Variants in ZNF385D observed in about 807,000 individuals in gnomAD.
ZNF385D encodes zinc finger protein 385D.
ZNF385D carries 15 observed loss-of-function variants against 35.8 expected under a neutral mutation model. The observed-to-expected ratio is 0.42, with a 90% CI of 0.28 to 0.64. The LOEUF is 0.64. Among genes scored for constraint, ZNF385D ranks in the 30% least tolerant of loss-of-function variants. ZNF385D has a pLI of 0.23. For synonymous variants in ZNF385D, 212 were observed against 186.8 expected (o/e 1.13, Z -1.10); for missense variants, 474 against 494.6 (o/e 0.96, Z 0.39).
At chr3:22,118,454 A>T (rs969361543) in intron 3 of ZNF385D, among the ~76,000 whole-genome samples, 1 of 152,116 alleles carries the variant, frequency 6.6e-6, no homozygotes, top group Non-Finnish European at 1.5e-5. Context: ...GAGTGAAAAC[A>T]TGGTTGCTGC....
chr3:21,889,996 C>G (rs985476588), intron 3 of ZNF385D, among the ~76,000 whole-genome samples: 1 of 152,046 alleles, frequency 6.6e-6, no homozygotes, highest in Non-Finnish European at 1.5e-5. Context: ...TATAAAGACA[C>G]TAGTCATATT....
chr3:21,876,194 G>T (rs1393214294), intron 3 of ZNF385D, among the ~76,000 whole-genome samples: 3 of 151,410 alleles, frequency 2.0e-5, no homozygotes, highest in African/African-American at 7.3e-5. Context: ...AAAACCTGAG[G>T]GATAGAAAAT....
At chr3:21,703,457 T>C (rs2067771286) in intron 1 of ZNF385D, among the ~76,000 whole-genome samples, 1 of 151,982 alleles carries the variant, frequency 6.6e-6, no homozygotes, top group Admixed American at 6.5e-5. Flanking sequence ...AAGATAACCA[T>C]TCTTCTCCTT....
intron 1 of ZNF385D, among the ~76,000 whole-genome samples, chr3:21,682,545 C>T (rs1211541908): frequency 1.3e-5 from 2 of 150,262 alleles, no homozygotes; most frequent in African/African-American, 4.9e-5. Context: ...AGAAAGGACA[C>T]ATTTTCAGGT....
intron 3 of ZNF385D, among the ~76,000 whole-genome samples, chr3:21,956,427 T>A (rs1020867573): frequency 7.2e-6 from 1 of 139,040 alleles, no homozygotes; most frequent in East Asian, 2.2e-4. Context: ...ATGATAAAGT[T>A]TGAGTGGGAG....
chr3:21,666,612 G>A (rs2066415843), intron 1 of ZNF385D, among the ~76,000 whole-genome samples: 1 of 151,062 alleles, frequency 6.6e-6, no homozygotes, highest in African/African-American at 2.5e-5. Flanking sequence ...TATAAACTTA[G>A]TTTATTGTCC....
Position 21,771,081 on chromosome 3 carries a change from G to A in ZNF385D, c.326-106053C>T, listed in dbSNP as rs143338556. On this transcript the variant is annotated intron_variant, in intron 3 of 5. Transcript: ENST00000494108. ...CAGGAAGGGGAACATCACACACTGG[G>A]GCCTGTTGTGGGGTCGGGGGAGGGG... Among the ~76,000 whole-genome samples, 171 of 148,356 alleles carry A rather than the reference G, an allele frequency of 1.2e-3. 1 individual carries two copies. Among genetic ancestry groups the A allele is most frequent in the African/African-American group, 4.0e-3 (160 of 40,000 alleles).
At chr3:21,932,969 T>A (rs1176719532) in intron 3 of ZNF385D, among the ~76,000 whole-genome samples, 1 of 152,102 alleles carries the variant, frequency 6.6e-6, no homozygotes, top group Non-Finnish European at 1.5e-5. Context: ...CTAGAGCAGG[T>A]GTATGGCTTT....
At chr3:21,562,871 C>T (rs2063003513) in intron 3 of ZNF385D, among the ~76,000 whole-genome samples, 1 of 118,336 alleles carries the variant, frequency 8.5e-6, no homozygotes, top group African/African-American at 3.8e-5. Context: ...ACAGTCATCA[C>T]TTGAGAATAC....
chr3:21,660,883 G>A (rs1304449452), intron 2 of ZNF385D, among the ~76,000 whole-genome samples: 3 of 152,162 alleles, frequency 2.0e-5, no homozygotes, highest in Non-Finnish European at 1.5e-5. Context: ...TTCTGATTCT[G>A]CATAGTGCTT....
chr3:21,434,690 T>G (rs1701465516), intron 5 of ZNF385D, among the ~76,000 whole-genome samples: 1 of 152,160 alleles, frequency 6.6e-6, no homozygotes, highest in Non-Finnish European at 1.5e-5. Flanking sequence ...CCTCTTCCCT[T>G]GCTACCTTTA....
intron 3 of ZNF385D, among the ~76,000 whole-genome samples, chr3:22,083,448 G>A (rs1296434349): frequency 1.3e-5 from 2 of 152,170 alleles, no homozygotes; most frequent in African/African-American, 4.8e-5. Context: ...ACAAGCTTCA[G>A]TAGCTGATTC....
intron 3 of ZNF385D, among the ~76,000 whole-genome samples, chr3:21,991,813 A>C (rs1316749999): frequency 2.0e-5 from 3 of 152,180 alleles, no homozygotes; most frequent in Admixed American, 1.3e-4. Flanking sequence ...TGAGGTTGTC[A>C]CTTTTACTAG....
intron 3 of ZNF385D, among the ~76,000 whole-genome samples, chr3:21,524,184 C>G (rs1708080997): frequency 6.6e-6 from 1 of 152,084 alleles, no homozygotes. Context: ...CTTAAAAACA[C>G]CTAAGTAAAA....
intron 3 of ZNF385D, among the ~76,000 whole-genome samples, chr3:22,010,712 G>A (rs1357666771): frequency 2.3e-4 from 35 of 152,184 alleles, no homozygotes; most frequent in Admixed American, 2.3e-3. Context: ...AGAGCCAGAA[G>A]AGAACCAGGT....
intron 1 of ZNF385D, among the ~76,000 whole-genome samples, chr3:21,726,107 G>T (rs2068753377): frequency 6.6e-6 from 1 of 152,052 alleles, no homozygotes; most frequent in Non-Finnish European, 1.5e-5. Flanking sequence ...TGTAGAGAAG[G>T]CCTTCGACAA....
At chr3:22,225,511 G>T (rs781175910) in intron 2 of ZNF385D, among the ~76,000 whole-genome samples, 2 of 152,128 alleles carry the variant, frequency 1.3e-5, no homozygotes, top group African/African-American at 2.4e-5. Flanking sequence ...CCGTTAGTAT[G>T]GATGCATGTG....
intron 3 of ZNF385D, among the ~76,000 whole-genome samples, chr3:22,010,564 G>A (rs1696508995): frequency 2.6e-5 from 4 of 152,264 alleles, no homozygotes; most frequent in Admixed American, 2.6e-4. Context: ...ATATGACACA[G>A]TTGAGATAAC....
chr3:21,438,740 A>T (rs370681076), intron 4 of ZNF385D, among the ~76,000 whole-genome samples: 1 of 152,090 alleles, frequency 6.6e-6, no homozygotes, highest in South Asian at 2.1e-4. Context: ...CATAAAGAAC[A>T]TTCACCTGCC....
Sources: gnomAD v4.1 joint callset for allele counts (sites outside exome capture counted in the v4.1 genomes callset) on GRCh38, gnomAD v4.1.1 for gene constraint, MANE v1.5 for transcripts, NCBI Gene and HGNC (gene_info 2026-07-23, HGNC 2026-07-21) for gene names.